The following SSPN variants were observed in gnomAD, a reference collection of about 807,000 sequenced individuals.
SSPN encodes the protein K-ras oncogene-associated protein.
In SSPN, 15 loss-of-function variants were observed where a neutral mutation model predicts 19.1. The observed-to-expected ratio is 0.78, with a 90% CI of 0.52 to 1.21. SSPN has a LOEUF of 1.21. Among genes scored for constraint, SSPN ranks in the 50% most tolerant of loss-of-function variants. The probability of loss-of-function intolerance (pLI) is 0.00; values close to 1 mark genes in which losing one functional copy is unlikely to be tolerated. For synonymous variants in SSPN, 147 were observed against 140.3 expected, an observed-to-expected ratio of 1.05 and a Z score of -0.34; for missense variants, 291 against 314.0, an observed-to-expected ratio of 0.93 and a Z score of 0.55.
chr12:26,194,858 G>T (rs956923475), upstream of SSPN, among the ~76,000 whole-genome samples: 2 of 152,186 alleles, frequency 1.3e-5, no homozygotes, highest in Non-Finnish European at 2.9e-5. Context: ...AGATGTGGTG[G>T]TGATTGCCTG....
At chr12:26,230,605 A>G (rs1470747199) in intron 2 of SSPN, 106 bp from the exon 3 acceptor site, 1 of 1,368,110 alleles carries the variant, frequency 7.3e-7, no homozygotes, top group Non-Finnish European at 9.8e-7. Flanking sequence ...TTTCCATCAG[A>G]AAATTTCTGG....
chr12:26,229,777 G>A (rs985270637), intron 2 of SSPN, among the ~76,000 whole-genome samples: 2 of 152,148 alleles, frequency 1.3e-5, no homozygotes, highest in Non-Finnish European at 2.9e-5. Flanking sequence ...CTCAGCAGGT[G>A]GACCATTAAG....
chr12:26,212,424 TTTTGACCTGGATTTTTACCATCTTC>T (rs1228886786), intron 1 of SSPN, among the ~76,000 whole-genome samples: 37 of 152,254 alleles, frequency 2.4e-4, no homozygotes, highest in African/African-American at 8.4e-4. Flanking sequence ...CCCTGAGAAA[TTTTGACCTGGATTTTTACCATCTTC>T]TTTTAAAAAT....
Position 26,195,821 on chromosome 12 carries a change from G to A in SSPN, c.149G>A (p.Cys50Tyr), listed in dbSNP as rs754117650. Residue 50 changes from cysteine to tyrosine, a missense_variant, in exon 1 of 3, where the codon TGC (cysteine) becomes TAC (tyrosine). By Grantham distance (194) the Cys-to-Tyr change is radical. Around this residue, in one of 3 missense-constraint regions of SSPN, gnomAD observed 139 missense variants for 119.6 expected, o/e 1.16. Coordinates refer to ENST00000242729, the MANE Select transcript of SSPN (RefSeq NM_005086.5). ...GAGGAGCCCCGGACCTGCTGCGGCT[G>A]CCGGTTCCCGCTGCTGCTCGCCCTG... The part of the protein sequence containing the change: ...GEEEPRTCCG[C>Y]RFPLLLALLQ... The A allele has an allele frequency of 3.9e-6, 6 of 1,536,098 alleles. No homozygotes were observed. The South Asian group carries it at 6.1e-5, about 16-fold the overall frequency.
chr12:26,122,457 A>G, intron 1 of SSPN: 2 of 1,353,718 alleles, frequency 1.5e-6, no homozygotes, highest in South Asian at 1.6e-5. Context: ...AGGCGAGAGG[A>G]AGCAGAAGGG....
At chr12:26,182,897 G>GTT (rs1944729127) in intron 1 of SSPN, among the ~76,000 whole-genome samples, 1 of 151,738 alleles carries the variant, frequency 6.6e-6, no homozygotes, top group Admixed American at 6.6e-5. Flanking sequence ...CGAGTAGCTG[G>GTT]GATTACAGGC....
intron 1 of SSPN, among the ~76,000 whole-genome samples, chr12:26,213,694 A>T (rs1036081756): frequency 2.0e-5 from 3 of 152,068 alleles, no homozygotes; most frequent in Non-Finnish European, 4.4e-5. Context: ...GTTGCTGGGC[A>T]TTACCAATTC....
intron 1 of SSPN, among the ~76,000 whole-genome samples, chr12:26,200,097 C>T (rs1311997065): frequency 1.3e-5 from 2 of 152,200 alleles, no homozygotes; most frequent in East Asian, 1.9e-4. Flanking sequence ...GGAATATTCC[C>T]ATGGAAAGTG....
intron 1 of SSPN, among the ~76,000 whole-genome samples, chr12:26,132,700 A>G (rs979589503): frequency 1.3e-5 from 2 of 151,994 alleles, no homozygotes; most frequent in South Asian, 2.1e-4. Flanking sequence ...AGCATATACA[A>G]TTTCACTGTA....
chr12:26,195,641 G>GCGGGGGGGC lies in SSPN; in HGVS notation c.-31_-30insGGGGGGGCC. ...CTCCAGGGCCCAGGGCGCCGCACAC[G>GCGGGGGGGC]CACCCACCCACCCACCCAGCCTCGC... On this transcript the variant is annotated 5_prime_UTR_variant, in exon 1 of 3. Coordinates refer to ENST00000242729, the MANE Select transcript of SSPN (RefSeq NM_005086.5). 6 of 1,105,400 alleles carry GCGGGGGGGC rather than the reference G, an allele frequency of 5.4e-6. No homozygotes were observed. Among genetic ancestry groups the GCGGGGGGGC allele is most frequent in the Non-Finnish European group, 4.6e-6 (4 of 878,118 alleles). The allele number at this position is 1,105,400 out of a possible 1,614,324, so 68.5% of individuals were successfully genotyped here.
At chr12:26,224,410 A>G (rs376845119) in intron 2 of SSPN, 31 bp downstream of exon 2, 2 of 1,528,624 alleles carry the variant, frequency 1.3e-6, no homozygotes, top group Non-Finnish European at 1.8e-6. Context: ...CTCTTTTATC[A>G]TCACATAGAA....
At chr12:26,213,295 A>G (rs1945011725) in intron 1 of SSPN, among the ~76,000 whole-genome samples, 1 of 152,122 alleles carries the variant, frequency 6.6e-6, no homozygotes, top group Admixed American at 6.5e-5. Context: ...AAGAAGTTTT[A>G]TAACTCTTAG....
intron 1 of SSPN, among the ~76,000 whole-genome samples, chr12:26,216,951 AG>A (rs1234704436): frequency 8.7e-6 from 1 of 114,396 alleles, no homozygotes; most frequent in Non-Finnish European, 1.8e-5. Context: ...TTTTGGTACC[AG>A]TACCATGCTG....
chr12:26,143,775 T>G (rs759992544), intron 1 of SSPN, among the ~76,000 whole-genome samples: 10 of 152,216 alleles, frequency 6.6e-5, no homozygotes, highest in Non-Finnish European at 8.8e-5. Flanking sequence ...AGGTGGGCGG[T>G]GGACATGCAA....
At chr12:26,172,503 A>G (rs1202782101) in intron 1 of SSPN, among the ~76,000 whole-genome samples, 1 of 152,170 alleles carries the variant, frequency 6.6e-6, no homozygotes, top group Non-Finnish European at 1.5e-5. Flanking sequence ...TGAGGATATA[A>G]CTCATTTGTA....
intron 1 of SSPN, among the ~76,000 whole-genome samples, chr12:26,209,416 C>G (rs1944961565): frequency 6.6e-6 from 1 of 152,048 alleles, no homozygotes. Flanking sequence ...GAATTGCTGT[C>G]AGATGTATAT....
At chr12:26,220,301 C>A (rs1481879287) in intron 1 of SSPN, among the ~76,000 whole-genome samples, 1 of 146,550 alleles carries the variant, frequency 6.8e-6, no homozygotes, top group Non-Finnish European at 1.5e-5. Flanking sequence ...ACATATCAAG[C>A]CCTATCAGAA....
intron 1 of SSPN, chr12:26,125,092 G>T (rs892116416): frequency 6.9e-6 from 3 of 435,162 alleles, no homozygotes; most frequent in Non-Finnish European, 1.3e-5. Flanking sequence ...CGTGCGGAAC[G>T]TACCATCCGC....
At chr12:26,135,796 C>T (rs1193078844) in intron 1 of SSPN, among the ~76,000 whole-genome samples, 1 of 152,186 alleles carries the variant, frequency 6.6e-6, no homozygotes, top group African/African-American at 2.4e-5. Flanking sequence ...GAGTTCACAC[C>T]TGCTCAACAT....
Sources: allele counts gnomAD v4.1 joint callset (sites outside exome capture counted in the v4.1 genomes callset), GRCh38; gene constraint gnomAD v4.1.1; regional missense constraint gnomAD v4.1.1; transcripts MANE v1.5; gene names NCBI Gene and HGNC (gene_info 2026-07-23, HGNC 2026-07-21).